Variants in USP6NL observed in about 807,000 individuals in gnomAD.
USP6NL encodes the protein USP6 N-terminal-like protein.
Under a neutral mutation model 61.9 loss-of-function variants are expected in USP6NL, and 26 were observed. The ratio of observed to expected loss-of-function variants is 0.42; its 90% CI spans 0.31 to 0.58. The LOEUF is 0.58. Among genes scored for constraint, USP6NL ranks in the 20% least tolerant of loss-of-function variants. The probability of loss-of-function intolerance (pLI) is 0.16; values close to 1 mark genes in which losing one functional copy is unlikely to be tolerated. For missense variants in USP6NL, 1,114 were observed against 1,034.3 expected (o/e 1.08, Z -1.06); for synonymous variants, 432 against 390.1 (o/e 1.11, Z -1.27).
At position 11,562,150 on chromosome 10, in the gene USP6NL, G is replaced by A. The variant is rs1836959798; in HGVS notation, c.5-34583C>T. ...AAAAAATTAGCTGGATGTGGTGGCT[G>A]GCGCCTGTAATCCCAGCTACTTGGG... On this transcript the variant is annotated intron_variant, in intron 2 of 14. Coordinates refer to ENST00000609104, the MANE Select transcript of USP6NL (RefSeq NM_014688.5). This position sits in a 1 kb window ranked among gnomAD's most constrained non-coding sequence, Gnocchi z 4.8. Among the ~76,000 whole-genome samples, 1 of 152,014 alleles carries A rather than the reference G, an allele frequency of 6.6e-6. No homozygotes were observed. Among genetic ancestry groups the A allele is most frequent in the Non-Finnish European group, 1.5e-5 (1 of 67,974 alleles).
rs935762234 is a variant in USP6NL at position 11,583,587 on chromosome 10, T to A, written c.4+14044A>T. Among the ~76,000 whole-genome samples the A allele has an allele frequency of 2.8e-4, 42 of 152,146 alleles. 1 individual carries two copies. Among genetic ancestry groups the A allele is most frequent in the Admixed American group, 2.7e-3 (41 of 15,278 alleles). ...CCACATGCAAATGGACACACAAATA[T>A]GGAAGAAAAGAGATTTAGTCATAAT... On this transcript the variant is annotated intron_variant, in intron 2 of 14. Transcript: ENST00000609104.
Position 11,481,888 on chromosome 10 carries a change from T to C in USP6NL, c.960A>G (p.Val320=). ...HLMKLSMEEL[V]EFFQETLAKD... is the part of the protein sequence containing the mutation. ...TTGCCAGGGTCTCCTGAAAAAATTC[T>C]ACAAGTTCTTCCATGGACAATTTCA... Residue 320 remains valine (V), a synonymous_variant, in exon 14 of 15, where the codon GTA becomes GTG. Coordinates refer to ENST00000609104, the MANE Select transcript of USP6NL (RefSeq NM_014688.5). The surrounding 1 kb of genome is among the most constrained non-coding windows in gnomAD (Gnocchi z 4.4). 6.2e-7 allele frequency: 1 copy of C among 1,611,570 alleles called. No individual in the cohort carries two copies. Among genetic ancestry groups the C allele is most frequent in the Non-Finnish European group, 8.5e-7 (1 of 1,178,852 alleles).
At chr10:11,607,825 T>G (rs984526445) in intron 1 of USP6NL, among the ~76,000 whole-genome samples, 1 of 152,254 alleles carries the variant, frequency 6.6e-6, no homozygotes, top group African/African-American at 2.4e-5. Context: ...TTTAAATTTT[T>G]AATTTCACTG....
chr10:11,591,120 G>A lies in USP6NL; in HGVS notation c.4+6511C>T, dbSNP rs1838147352. On this transcript the variant is annotated intron_variant, in intron 2 of 14. Transcript: ENST00000609104. This position sits in a 1 kb window ranked among gnomAD's most constrained non-coding sequence, Gnocchi z 4.7. ...AGTCAAGCCACTTGCCATACATAAC[G>A]TGGCTACCAGCAGCAAAGCCAGGGT... 6.6e-6 allele frequency among the ~76,000 whole-genome samples: 1 copy of A among 152,136 alleles called. No individual in the cohort carries two copies. The highest frequency in any genetic ancestry group is 2.4e-5 in the African/African-American group (1 of 41,426).
intron 4 of USP6NL, among the ~76,000 whole-genome samples, chr10:11,519,593 G>A (rs1341184018): frequency 3.3e-5 from 5 of 152,136 alleles, no homozygotes; most frequent in Admixed American, 6.5e-5. Context: ...CCGCGCCATT[G>A]CACTCCACCC....
chr10:11,602,851 T>C lies in USP6NL; in HGVS notation c.-83-5134A>G, dbSNP rs1332145585. 6.6e-6 allele frequency among the ~76,000 whole-genome samples: 1 copy of C among 152,188 alleles called. No individual in the cohort carries two copies. Among genetic ancestry groups the C allele is most frequent in the Admixed American group, 6.5e-5 (1 of 15,286 alleles). On this transcript the variant is annotated intron_variant, in intron 1 of 14. Transcript: ENST00000609104. This position sits in a 1 kb window ranked among gnomAD's most constrained non-coding sequence, Gnocchi z 4.8. ...ATACTCAACCTGTCATATCTTCTCA[T>C]TAGAAATTATTTCAGTTAATATTAA...
At chr10:11,519,267 A>C (rs778513807) in intron 4 of USP6NL, among the ~76,000 whole-genome samples, 2 of 152,258 alleles carry the variant, frequency 1.3e-5, no homozygotes, top group African/African-American at 2.4e-5. Flanking sequence ...TTGTTTAAAA[A>C]AATAGCATAA....
chr10:11,525,365 C>A lies in USP6NL; in HGVS notation c.155+21G>T. On this transcript the variant is annotated intron_variant, in intron 4 of 14. Coordinates refer to ENST00000609104, the MANE Select transcript of USP6NL (RefSeq NM_014688.5). This position sits in a 1 kb window ranked among gnomAD's most constrained non-coding sequence, Gnocchi z 5.0. ...GAAACGTTATAATCTAAAAAGCAAGCTTTCAATCTATGTGACTTACTGTAA... is the reference window on the plus strand; with the variant it reads ...GAAACGTTATAATCTAAAAAGCAAGATTTCAATCTATGTGACTTACTGTAA... The A allele has an allele frequency of 6.4e-7, 1 of 1,571,890 alleles. No homozygotes were observed. The highest frequency in any genetic ancestry group is 8.6e-7 in the Non-Finnish European group (1 of 1,163,348).
intron 2 of USP6NL, among the ~76,000 whole-genome samples, chr10:11,556,746 A>G (rs1366117360): frequency 3.3e-5 from 5 of 152,254 alleles, no homozygotes; most frequent in South Asian, 2.1e-4. Flanking sequence ...CTAGTAACAC[A>G]GTTTCAAAAC....
intron 2 of USP6NL, among the ~76,000 whole-genome samples, chr10:11,533,526 G>A (rs985708902): frequency 6.6e-6 from 1 of 152,188 alleles, no homozygotes; most frequent in African/African-American, 2.4e-5. Context: ...TTCTGAACAG[G>A]AAGCAAGAAG....
At chr10:11,517,681 T>C (rs1393093893) in intron 5 of USP6NL, among the ~76,000 whole-genome samples, 1 of 152,194 alleles carries the variant, frequency 6.6e-6, no homozygotes, top group Non-Finnish European at 1.5e-5. Flanking sequence ...AAATGGCAAT[T>C]TCATCTACAT....
At position 11,485,331 on chromosome 10, in the gene USP6NL, G is replaced by GCTAA; in HGVS notation, c.760-101_760-98dup. On this transcript the variant is annotated intron_variant, in intron 11 of 14. Coordinates refer to ENST00000609104, the MANE Select transcript of USP6NL (RefSeq NM_014688.5). This position sits in a 1 kb window ranked among gnomAD's most constrained non-coding sequence, Gnocchi z 4.8. ...AAGGCTGTTGGATGCAGCTATCAAA[G>GCTAA]CTAAACACATTTACTTCTCAAAATC... 1 of 928,792 alleles carries GCTAA rather than the reference G, an allele frequency of 1.1e-6. No individual in the cohort carries two copies. The highest frequency in any genetic ancestry group is 1.6e-6 in the Non-Finnish European group (1 of 632,490). The allele number at this position is 928,792 out of a possible 1,614,324, so 57.5% of individuals were successfully genotyped here. A position where few individuals can be genotyped will look rare whatever the true frequency, so the allele number is the denominator to read the frequency against.
intron 2 of USP6NL, among the ~76,000 whole-genome samples, chr10:11,584,381 G>C (rs543026407): frequency 3.3e-5 from 5 of 152,252 alleles, no homozygotes; most frequent in East Asian, 3.9e-4. Flanking sequence ...AAACACAGAC[G>C]TCCCTCTAAC....
rs557949289 is a variant in USP6NL, at chr10:11,566,784, G to A, written c.4+30847C>T. On this transcript the variant is annotated intron_variant, in intron 2 of 14. Coordinates refer to ENST00000609104, the MANE Select transcript of USP6NL (RefSeq NM_014688.5). ...CAGACCATATTCTTAATTAATATACGGACCTGCTTTACTAAGAGACTCAGA... is the reference window on the plus strand; with the variant it reads ...CAGACCATATTCTTAATTAATATACAGACCTGCTTTACTAAGAGACTCAGA... Among the ~76,000 whole-genome samples, 7 of 152,144 alleles carry A rather than the reference G, an allele frequency of 4.6e-5. No homozygotes were observed. In the South Asian group the frequency reaches 8.3e-4, roughly 18 times the overall value.
rs1321078463 is a variant in USP6NL at position 11,463,884 on chromosome 10, C to T, written c.1079-35G>A. 1.4e-6 allele frequency: 2 copies of T among 1,451,402 alleles called. No individual in the cohort carries two copies. The highest frequency in any genetic ancestry group is 1.4e-5 in the African/African-American group (1 of 69,650). The allele number at this position is 1,451,402 out of a possible 1,614,324, so 89.9% of individuals were successfully genotyped here. On this transcript the variant is annotated intron_variant, in intron 14 of 14. Coordinates refer to ENST00000609104, the MANE Select transcript of USP6NL (RefSeq NM_014688.5). This position sits in a 1 kb window ranked among gnomAD's most constrained non-coding sequence, Gnocchi z 6.3. ...AAGAGAAAGGCTAAGTAAGATAATA[C>T]ACGAGTAAACAGTAGCCAGTTGAAG...
intron 1 of USP6NL, among the ~76,000 whole-genome samples, chr10:11,608,825 T>G (rs1357186952): frequency 6.6e-6 from 1 of 152,240 alleles, no homozygotes; most frequent in East Asian, 1.9e-4. Flanking sequence ...GTCATTTGCA[T>G]GAGGTGATAC....
chr10:11,539,583 G>C (rs1835971341), intron 2 of USP6NL, among the ~76,000 whole-genome samples: 1 of 152,202 alleles, frequency 6.6e-6, no homozygotes, highest in Admixed American at 6.5e-5. Flanking sequence ...CCCACATTTG[G>C]GGACAGGGTT....
At chr10:11,593,323 T>C (rs889435005) in intron 2 of USP6NL, among the ~76,000 whole-genome samples, 5 of 152,248 alleles carry the variant, frequency 3.3e-5, no homozygotes, top group African/African-American at 9.6e-5. Context: ...GTAATTACTT[T>C]TGTGTTTTGG....
At chr10:11,594,275 A>AACTCAGTCT (rs1331260732) in intron 2 of USP6NL, among the ~76,000 whole-genome samples, 1 of 152,234 alleles carries the variant, frequency 6.6e-6, no homozygotes, top group African/African-American at 2.4e-5. Flanking sequence ...CAAATGGACA[A>AACTCAGTCT]GAAAAAGAAA....
Sources: gnomAD v4.1 joint callset for allele counts (sites outside exome capture counted in the v4.1 genomes callset) on GRCh38, gnomAD v4.1.1 for gene constraint, Gnocchi (gnomAD v3.1) non-coding constraint, MANE v1.5 for transcripts, NCBI Gene and HGNC (gene_info 2026-07-23, HGNC 2026-07-21) for gene names.